PHF21A: variants seen among roughly 807,000 people sequenced by gnomAD.
The protein encoded by PHF21A is BHC80a.
In PHF21A, 11 loss-of-function variants were observed where a neutral mutation model predicts 82.5. That is an observed-to-expected ratio of 0.13 (90% CI 0.08 to 0.22). The LOEUF (loss-of-function observed/expected upper bound fraction) is 0.22, where lower values mean the gene tolerates loss of function less well. Among genes scored for constraint, PHF21A ranks in the 10% least tolerant of loss-of-function variants. The pLI is 1.00. For synonymous variants in PHF21A, 297 were observed against 302.8 expected (o/e 0.98, Z 0.20); for missense variants, 579 against 837.8 (o/e 0.69, Z 3.81).
chr11:45,935,103 G>A (rs778435828), intron 18 of PHF21A: 28 of 1,288,450 alleles, frequency 2.2e-5, no homozygotes, highest in Middle Eastern at 2.1e-4. Context: ...TGGACAGGCC[G>A]GGCTGGGCAG....
At chr11:45,948,472 G>A (rs1027628231) in intron 14 of PHF21A, among the ~76,000 whole-genome samples, 4 of 152,172 alleles carry the variant, frequency 2.6e-5, no homozygotes, top group African/African-American at 7.2e-5. Flanking sequence ...GAAACTCAGC[G>A]TCACACTCTG....
intron 15 of PHF21A, among the ~76,000 whole-genome samples, chr11:45,939,459 A>G (rs1308491047): frequency 6.6e-6 from 1 of 152,226 alleles, no homozygotes; most frequent in Non-Finnish European, 1.5e-5. Context: ...AACAAATTAA[A>G]TTCATATGCG....
chr11:45,981,645 T>C (rs989473407), intron 6 of PHF21A, among the ~76,000 whole-genome samples: 3 of 152,060 alleles, frequency 2.0e-5, no homozygotes, highest in Admixed American at 1.3e-4. Flanking sequence ...CTGATAAAAA[T>C]AGATTGTGAT....
rs57081937 is a variant in PHF21A, at chr11:45,971,890, C to CTTTCTTTCTTTTTTTTTTTTTTTTTT, written c.361-524_361-523insAAAAAAAAAAAAAAAAAAGAAAGAAA. ...GTAAAAGGACAGTGTCTTTTTCTTT[C>CTTTCTTTCTTTTTTTTTTTTTTTTTT]TTTTTTTTTTTTTTTATGGTGTCAC... On this transcript the variant is annotated intron_variant, in intron 7 of 18. Transcript: ENST00000676320. Among the ~76,000 whole-genome samples, 10 of 50,294 alleles carry CTTTCTTTCTTTTTTTTTTTTTTTTTT rather than the reference C, an allele frequency of 2.0e-4. No individual in the cohort carries two copies. In the South Asian group the frequency reaches 2.2e-3, roughly 11 times the overall value. The allele number at this position is 50,294 out of a possible 152,430, so 33.0% of individuals were successfully genotyped here. A position where few individuals can be genotyped will look rare whatever the true frequency, so the allele number is the denominator to read the frequency against.
At chr11:45,988,481 T>C (rs980805170) in intron 6 of PHF21A, among the ~76,000 whole-genome samples, 17 of 152,230 alleles carry the variant, frequency 1.1e-4, no homozygotes, top group Non-Finnish European at 2.2e-4. Flanking sequence ...GCATTTTTAA[T>C]TGGGAAGTAT....
intron 6 of PHF21A, among the ~76,000 whole-genome samples, chr11:46,046,327 G>A (rs1443535089): frequency 6.6e-6 from 1 of 152,124 alleles, no homozygotes; most frequent in Non-Finnish European, 1.5e-5. Flanking sequence ...TAATATGCAA[G>A]GGAAACCCAC....
At chr11:45,971,967 G>A (rs771469180) in intron 7 of PHF21A, among the ~76,000 whole-genome samples, 3 of 141,596 alleles carry the variant, frequency 2.1e-5, no homozygotes, top group Non-Finnish European at 4.5e-5. Context: ...TCGCCTCTGA[G>A]GTAGTTACCC....
At chr11:45,967,971 C>T (rs1468509965) in intron 9 of PHF21A, among the ~76,000 whole-genome samples, 2 of 152,216 alleles carry the variant, frequency 1.3e-5, no homozygotes, top group Non-Finnish European at 2.9e-5. Context: ...ATCCACTAAA[C>T]TGCTTTCACA....
chr11:46,021,209 G>A (rs1429787963), intron 6 of PHF21A, among the ~76,000 whole-genome samples: 2 of 151,994 alleles, frequency 1.3e-5, no homozygotes, highest in African/African-American at 4.8e-5. Context: ...ACAGGTGCAA[G>A]CCGCTATGCC....
intron 4 of PHF21A, among the ~76,000 whole-genome samples, chr11:46,081,330 C>T (rs1422138103): frequency 1.3e-5 from 2 of 152,116 alleles, no homozygotes; most frequent in Non-Finnish European, 2.9e-5. Flanking sequence ...TTAAAGGGGA[C>T]TGAAACACAA....
chr11:46,059,656 A>G (rs570567371), intron 6 of PHF21A, among the ~76,000 whole-genome samples: 3 of 152,262 alleles, frequency 2.0e-5, no homozygotes, highest in African/African-American at 7.2e-5. Context: ...AACTGGCCTC[A>G]AAGGATCCTT....
chr11:45,943,556 G>C (rs2090772419), intron 15 of PHF21A, among the ~76,000 whole-genome samples: 1 of 152,006 alleles, frequency 6.6e-6, no homozygotes, highest in Non-Finnish European at 1.5e-5. Context: ...TTCCCTATAG[G>C]CCCTTTTCTT....
chr11:46,022,218 C>T (rs1340679934), intron 6 of PHF21A, among the ~76,000 whole-genome samples: 3 of 151,972 alleles, frequency 2.0e-5, no homozygotes, highest in Non-Finnish European at 2.9e-5. Flanking sequence ...TTTGGGAGGC[C>T]AAGGTGGGAG....
At chr11:45,981,358 A>C (rs1449265715) in intron 6 of PHF21A, among the ~76,000 whole-genome samples, 2 of 135,946 alleles carry the variant, frequency 1.5e-5, no homozygotes. Context: ...TGCACTCTGC[A>C]CTCCAGCCTG....
Position 46,035,835 on chromosome 11 carries a change from G to C in PHF21A, c.153+40919C>G, listed in dbSNP as rs148572056. ...GAAGAAAGAGAGAGAGAAAAGAGAG[G>C]TTGGAGAAAGTAGGTATGTATCACA... On this transcript the variant is annotated intron_variant, in intron 6 of 18. Transcript: ENST00000676320. 1.2e-4 allele frequency among the ~76,000 whole-genome samples: 18 copies of C among 152,224 alleles called. No homozygotes were observed. The East Asian group carries it at 3.5e-3, about 29-fold the overall frequency.
At chr11:46,067,209 T>G (rs2096604848) in intron 6 of PHF21A, among the ~76,000 whole-genome samples, 1 of 152,140 alleles carries the variant, frequency 6.6e-6, no homozygotes. Flanking sequence ...AAGAAAGGTA[T>G]AAGGTGACCC....
intron 6 of PHF21A, 95 bp from the exon 7 acceptor site, chr11:45,980,061 T>C (rs1267887262): frequency 4.5e-6 from 7 of 1,555,196 alleles, no homozygotes; most frequent in Non-Finnish European, 6.1e-6. Flanking sequence ...ATAAATAGCT[T>C]CATCTAAAAC....
intron 1 of PHF21A, among the ~76,000 whole-genome samples, chr11:46,105,550 T>A (rs1336952514): frequency 6.6e-6 from 1 of 152,116 alleles, no homozygotes; most frequent in Non-Finnish European, 1.5e-5. Flanking sequence ...AAAATGAATG[T>A]CACTCTGAAA....
intron 5 of PHF21A, 74 bp from the exon 6 acceptor site, chr11:46,076,893 A>C (rs1435499472): frequency 1.7e-5 from 20 of 1,157,968 alleles, no homozygotes; most frequent in Non-Finnish European, 2.5e-5. Flanking sequence ...AAGACTATGC[A>C]TACTGCATTA....
Sources: gnomAD v4.1 joint callset for allele counts (sites outside exome capture counted in the v4.1 genomes callset) on GRCh38, gnomAD v4.1.1 for gene constraint, MANE v1.5 for transcripts, NCBI Gene and HGNC (gene_info 2026-07-23, HGNC 2026-07-21) for gene names.